The following SYNPO2 variants were observed in gnomAD, a reference collection of about 807,000 sequenced individuals.
SYNPO2 encodes the protein synaptopodin-2.
Under a neutral mutation model 85.0 loss-of-function variants are expected in SYNPO2, and 56 were observed. The observed-to-expected ratio is 0.66, with a 90% CI of 0.53 to 0.82. The LOEUF (loss-of-function observed/expected upper bound fraction) is 0.82, where lower values mean the gene tolerates loss of function less well. SYNPO2 is among the 40% of genes least tolerant of loss of function. The pLI is 0.00. For synonymous variants in SYNPO2, 602 were observed against 591.1 expected, an observed-to-expected ratio of 1.02 and a Z score of -0.27; for missense variants, 1,575 against 1,534.2, an observed-to-expected ratio of 1.03 and a Z score of -0.44.
chr4:119,034,348 GA>G, intron 4 of SYNPO2: 15 of 978,122 alleles, frequency 1.5e-5, no homozygotes, highest in Non-Finnish European at 1.8e-5. Context: ...TAATGACCCA[GA>G]AGTATTTCCA....
At chr4:118,973,798 G>T (rs1735627387) in intron 1 of SYNPO2, among the ~76,000 whole-genome samples, 1 of 152,030 alleles carries the variant, frequency 6.6e-6, no homozygotes, top group African/African-American at 2.4e-5. Flanking sequence ...AGCCTAGTTT[G>T]GTCCTGAAGT....
intron 1 of SYNPO2, among the ~76,000 whole-genome samples, chr4:118,965,922 A>G (rs542261753): frequency 5.6e-5 from 7 of 124,520 alleles, no homozygotes; most frequent in African/African-American, 1.7e-4. Flanking sequence ...TCACTACAAG[A>G]TTTTTTTTAA....
chr4:118,868,005 A>G (rs1731731239), intron 1 of SYNPO2, among the ~76,000 whole-genome samples: 1 of 151,908 alleles, frequency 6.6e-6, no homozygotes, highest in South Asian at 2.1e-4. Flanking sequence ...TTCATAGGAA[A>G]AAAAGTTGCA....
At chr4:118,851,053 C>G (rs1236483267) in intron 1 of SYNPO2, 2 of 397,822 alleles carry the variant, frequency 5.0e-6, no homozygotes, top group East Asian at 7.1e-5. Context: ...AGCTTTTACT[C>G]ATACCTTTCA....
At chr4:118,977,674 T>G (rs1352575079) in intron 1 of SYNPO2, among the ~76,000 whole-genome samples, 1 of 152,208 alleles carries the variant, frequency 6.6e-6, no homozygotes, top group Non-Finnish European at 1.5e-5. Context: ...GGGAAGAGCT[T>G]CAGAGGCTAG....
At chr4:119,032,253 T>A in intron 4 of SYNPO2, 1 of 1,419,052 alleles carries the variant, frequency 7.0e-7, no homozygotes, top group Middle Eastern at 2.6e-4. Context: ...ATATTTATCT[T>A]CTTTGCACAC....
chr4:118,905,473 A>T (rs1732903486), intron 1 of SYNPO2, among the ~76,000 whole-genome samples: 2 of 151,864 alleles, frequency 1.3e-5, no homozygotes, highest in African/African-American at 4.8e-5. Context: ...TGTGAGAGAG[A>T]GAGAGAGAAC....
chr4:118,861,273 C>T (rs1731605901), intron 1 of SYNPO2, among the ~76,000 whole-genome samples: 1 of 152,208 alleles, frequency 6.6e-6, no homozygotes, highest in East Asian at 1.9e-4. Flanking sequence ...CTGCCTCAGC[C>T]TCCTGAGTAG....
At chr4:118,942,789 T>C (rs1490024273) in intron 1 of SYNPO2, among the ~76,000 whole-genome samples, 1 of 152,098 alleles carries the variant, frequency 6.6e-6, no homozygotes, top group East Asian at 1.9e-4. Flanking sequence ...ACAGCTCCCC[T>C]AACAACAAAA....
chr4:119,006,343 T>C (rs1395154416), intron 1 of SYNPO2: 1 of 152,218 alleles, frequency 6.6e-6, no homozygotes, highest in East Asian at 1.9e-4. Context: ...AGTGAATTTG[T>C]GTCCATAACC....
chr4:118,992,445 C>T (rs559473702), intron 1 of SYNPO2, among the ~76,000 whole-genome samples: 7 of 152,212 alleles, frequency 4.6e-5, no homozygotes, highest in Admixed American at 3.9e-4. Flanking sequence ...ATTTCGGAAG[C>T]ACACATTCCA....
chr4:118,951,387 A>G (rs1188915986), intron 1 of SYNPO2, among the ~76,000 whole-genome samples: 1 of 152,148 alleles, frequency 6.6e-6, no homozygotes, highest in African/African-American at 2.4e-5. Context: ...TATCCCATTC[A>G]TGAGAGCTCT....
At chr4:118,887,138 G>C (rs182107717), upstream of SYNPO2, among the ~76,000 whole-genome samples, 9 of 151,422 alleles carry the variant, frequency 5.9e-5, no homozygotes, top group Non-Finnish European at 1.3e-4. Context: ...AGATGAACTG[G>C]CATGTCTAAA....
chr4:118,896,407 C>T (rs1160728796), intron 1 of SYNPO2, among the ~76,000 whole-genome samples: 3 of 152,004 alleles, frequency 2.0e-5, no homozygotes, highest in East Asian at 1.9e-4. Flanking sequence ...CTAACAGATT[C>T]GTGATGAAAC....
At chr4:118,900,681 CTCTCTCTCTCTCTCTCTCTCTCTATATA>C (rs1250697146) in intron 1 of SYNPO2, among the ~76,000 whole-genome samples, 7 of 39,148 alleles carry the variant, frequency 1.8e-4, no homozygotes, top group African/African-American at 3.7e-4. Flanking sequence ...CTCTCTCTCT[CTCTCTCTCTCTCTCTCTCTCTCTATATA>C]TATATATATA....
chr4:118,971,459 A>G (rs994374814), intron 1 of SYNPO2, among the ~76,000 whole-genome samples: 4 of 152,240 alleles, frequency 2.6e-5, no homozygotes, highest in Non-Finnish European at 5.9e-5. Flanking sequence ...TTTACTCACA[A>G]TGAAGATGCA....
chr4:118,939,861 G>A (rs1233002569), intron 1 of SYNPO2, among the ~76,000 whole-genome samples: 1 of 152,030 alleles, frequency 6.6e-6, no homozygotes, highest in Non-Finnish European at 1.5e-5. Context: ...GTGTTCTCAC[G>A]TAATATCACT....
chr4:118,968,661 C>T (rs1474999937), intron 1 of SYNPO2, among the ~76,000 whole-genome samples: 1 of 152,180 alleles, frequency 6.6e-6, no homozygotes, highest in African/African-American at 2.4e-5. Context: ...GCAGTGTCTT[C>T]TGGGAGTCCC....
At chr4:119,010,043 A>G (rs181711418) in intron 1 of SYNPO2, among the ~76,000 whole-genome samples, 6 of 152,292 alleles carry the variant, frequency 3.9e-5, no homozygotes, top group Admixed American at 3.3e-4. Flanking sequence ...GCTCACCTAC[A>G]TAGTAATTGT....
Sources: gnomAD v4.1 joint callset for allele counts (sites outside exome capture counted in the v4.1 genomes callset) on GRCh38, gnomAD v4.1.1 for gene constraint, MANE v1.5 for transcripts, NCBI Gene and HGNC (gene_info 2026-07-23, HGNC 2026-07-21) for gene names.